RABL6: variants seen among roughly 807,000 people sequenced by gnomAD.
The protein encoded by RABL6 is RAB, member RAS oncogene family like 6.
RABL6 carries 28 observed loss-of-function variants against 72.9 expected under a neutral mutation model. That is an observed-to-expected ratio of 0.38 (90% CI 0.28 to 0.53). The LOEUF (loss-of-function observed/expected upper bound fraction) is 0.53, where lower values mean the gene tolerates loss of function less well. Among genes scored for constraint, RABL6 ranks in the 20% least tolerant of loss-of-function variants. The pLI is 0.80. For synonymous variants in RABL6, 477 were observed against 421.2 expected, an observed-to-expected ratio of 1.13 and a Z score of -1.62; for missense variants, 1,029 against 1,008.4, an observed-to-expected ratio of 1.02 and a Z score of -0.28.
intron 5 of RABL6, 52 bp downstream of exon 5, chr9:136,829,536 C>T: frequency 3.4e-6 from 5 of 1,453,806 alleles, no homozygotes; most frequent in Non-Finnish European, 4.7e-6. Context: ...CCCCCTAGCC[C>T]CTTGGGCGCC....
chr9:136,812,699 GCT>G, intron 1 of RABL6: 2 of 268,332 alleles, frequency 7.5e-6, no homozygotes, highest in South Asian at 9.9e-5. Flanking sequence ...TCCTCAGAGA[GCT>G]CTGTCATTGA....
At chr9:136,837,766 A>C in intron 9 of RABL6, 96 bp from the exon 10 acceptor site, 1 of 1,542,172 alleles carries the variant, frequency 6.5e-7, no homozygotes, top group African/African-American at 1.4e-5. Flanking sequence ...TGCTTGTCCC[A>C]GTCCCGTGGG....
At chr9:136,810,304 G>A (rs1847981227) in intron 1 of RABL6, among the ~76,000 whole-genome samples, 1 of 152,158 alleles carries the variant, frequency 6.6e-6, no homozygotes, top group African/African-American at 2.4e-5. Context: ...TCCTGGGCGA[G>A]TGTGACTAAA....
intron 1 of RABL6, among the ~76,000 whole-genome samples, chr9:136,816,827 TTG>T (rs1848129725): frequency 6.6e-6 from 1 of 152,096 alleles, no homozygotes; most frequent in South Asian, 2.1e-4. Context: ...AAAAAAGAGT[TTG>T]TGGCCATATA....
At position 136,829,428 on chromosome 9, in the gene RABL6, G is replaced by A. The variant is rs1432571519; in HGVS notation, c.402G>A (p.Leu134=). 3 of 1,585,180 alleles carry A rather than the reference G, an allele frequency of 1.9e-6. No individual in the cohort carries two copies. The highest frequency in any genetic ancestry group is 2.3e-5 in the South Asian group (2 of 86,362). ...AAATGGCCCTGGATGCTGAGTTCCT[G>A]GACGTGTACAAGAACTGCAACGGGG... ...ESEMALDAEF[L]DVYKNCNGVV... Residue 134 remains leucine (L), a synonymous_variant, in exon 5 of 15, where the codon CTG becomes CTA. Coordinates refer to ENST00000311502, the MANE Select transcript of RABL6 (RefSeq NM_024718.5).
chr9:136,830,023 A>C (rs1254088075), intron 5 of RABL6, among the ~76,000 whole-genome samples: 1 of 152,240 alleles, frequency 6.6e-6, no homozygotes, highest in African/African-American at 2.4e-5. Flanking sequence ...CCGGAGCCCC[A>C]GCGGGGGGGT....
intron 5 of RABL6, among the ~76,000 whole-genome samples, chr9:136,830,292 C>G (rs542964454): frequency 6.6e-6 from 1 of 152,380 alleles, no homozygotes; most frequent in East Asian, 1.9e-4. Flanking sequence ...CAGCACGCAT[C>G]AGCAGCCCAG....
In RABL6 at chr9:136,841,113, G is replaced by T. The variant is rs1194962547; in HGVS notation, c.*591G>T. The stretch of plus-strand genomic sequence containing the variant: ...CTCAGCTGCGCCCCCGCTCAGGTGA[G>T]CCCGAAGGCAGGAGCCGGGAGGCAC... On this transcript the variant is annotated 3_prime_UTR_variant, in exon 15 of 15. Coordinates refer to ENST00000311502, the MANE Select transcript of RABL6 (RefSeq NM_024718.5). The T allele has an allele frequency of 7.6e-7, 1 of 1,309,296 alleles. No homozygotes were observed. Among genetic ancestry groups the T allele is most frequent in the African/African-American group, 1.5e-5 (1 of 66,628 alleles). The allele number at this position is 1,309,296 out of a possible 1,614,324, so 81.1% of individuals were successfully genotyped here. A position where few individuals can be genotyped will look rare whatever the true frequency, so the allele number is the denominator to read the frequency against.
chr9:136,828,634 C>T (rs1848408017), intron 4 of RABL6, 88 bp downstream of exon 4: 1 of 1,410,986 alleles, frequency 7.1e-7, no homozygotes, highest in South Asian at 1.2e-5. Context: ...CTTTTGACCC[C>T]AACCACCCCA....
intron 1 of RABL6, chr9:136,808,859 T>G (rs928327513): frequency 1.3e-5 from 2 of 152,150 alleles, no homozygotes; most frequent in Non-Finnish European, 2.9e-5. Context: ...AAAAGAAGCG[T>G]TTGTAAGAGA....
In RABL6 at chr9:136,828,754, C is replaced by G. The variant is rs79273631; in HGVS notation, c.366+208C>G. Among the ~76,000 whole-genome samples the G allele has an allele frequency of 0.01, 1,595 of 152,290 alleles. 38 individuals are homozygous for G. Among genetic ancestry groups the G allele is most frequent in the African/African-American group, 0.037 (1,528 of 41,562 alleles). On this transcript the variant is annotated intron_variant, in intron 4 of 14. Coordinates refer to ENST00000311502, the MANE Select transcript of RABL6 (RefSeq NM_024718.5). ...GCTCACCTGCACTCGACAGACATCA[C>G]GTTGGACTGACCCCTATTTGCATTT... is the stretch of plus-strand genomic sequence containing the variant.
intron 4 of RABL6, among the ~76,000 whole-genome samples, chr9:136,829,147 G>A (rs2131187295): frequency 6.6e-6 from 1 of 152,376 alleles, no homozygotes. Flanking sequence ...GGACACTGCT[G>A]TGATCAGTGG....
Position 136,839,076 on chromosome 9 carries a change from G to C in RABL6, c.1448G>C (p.Gly483Ala). 3 of 1,612,364 alleles carry C rather than the reference G, an allele frequency of 1.9e-6. No homozygotes were observed. Among genetic ancestry groups the C allele is most frequent in the Non-Finnish European group, 1.7e-6 (2 of 1,179,792 alleles). Residue 483 changes from glycine (G) to alanine (A), a missense_variant, in exon 11 of 15, where the codon GGC becomes GCC. Coordinates refer to ENST00000311502, the MANE Select transcript of RABL6 (RefSeq NM_024718.5). ...EEAEVAAPTK[G>A]PAPAPQQCSE... ...GCAGAAGTGGCAGCTCCCACAAAAG[G>C]CCCTGCCCCAGCTCCCCAGCAGTGC...
At chr9:136,813,029 C>A in intron 1 of RABL6, 1 of 373,418 alleles carries the variant, frequency 2.7e-6, no homozygotes, top group South Asian at 2.4e-5. Context: ...TCACTGTTGC[C>A]ATCTACAGAG....
chr9:136,817,160 G>A (rs1006028232), intron 1 of RABL6, among the ~76,000 whole-genome samples: 2 of 148,220 alleles, frequency 1.3e-5, no homozygotes, highest in African/African-American at 2.6e-5. Flanking sequence ...AGCAGCACGA[G>A]AAGCAGCACT....
Position 136,841,088 on chromosome 9 carries a change from C to T in RABL6, c.*566C>T. On this transcript the variant is annotated 3_prime_UTR_variant, in exon 15 of 15. Coordinates refer to ENST00000311502, the MANE Select transcript of RABL6 (RefSeq NM_024718.5). Reference sequence around the variant, plus strand: ...TGGGGGTTGTGTTTCCCACAGTGGCCTCAGCTGCGCCCCCGCTCAGGTGAG... The same window carrying T: ...TGGGGGTTGTGTTTCCCACAGTGGCTTCAGCTGCGCCCCCGCTCAGGTGAG... 1.4e-6 allele frequency: 2 copies of T among 1,384,960 alleles called. No homozygotes were observed. The highest frequency in any genetic ancestry group is 1.5e-5 in the African/African-American group (1 of 68,414). 85.8% of individuals were successfully genotyped at this position (1,384,960 alleles called of 1,614,324 possible).
At chr9:136,818,061 CAAA>C (rs35850059) in intron 1 of RABL6, among the ~76,000 whole-genome samples, 2 of 78,470 alleles carry the variant, frequency 2.5e-5, no homozygotes, top group African/African-American at 1.1e-4. Flanking sequence ...GACTCCATCT[CAAA>C]AAAAAAAAAA....
At chr9:136,836,466 A>G (rs1009034675) in intron 8 of RABL6, 1 of 152,574 alleles carries the variant, frequency 6.6e-6, no homozygotes, top group Non-Finnish European at 1.5e-5. Flanking sequence ...CTCTGTTTCC[A>G]GAAGGAGAGC....
At chr9:136,815,481 G>T in intron 1 of RABL6, 1 of 267,660 alleles carries the variant, frequency 3.7e-6, no homozygotes, top group Non-Finnish European at 7.2e-6. Flanking sequence ...CTCCTTTGGG[G>T]GAGCAGCCAT....
Sources: gnomAD v4.1 joint callset for allele counts (sites outside exome capture counted in the v4.1 genomes callset) on GRCh38, gnomAD v4.1.1 for gene constraint, MANE v1.5 for transcripts, NCBI Gene and HGNC (gene_info 2026-07-23, HGNC 2026-07-21) for gene names.